DNAH5: variants seen among roughly 807,000 people sequenced by gnomAD.
DNAH5 encodes axonemal beta dynein heavy chain 5.
In DNAH5, 372 loss-of-function variants were observed where a neutral mutation model predicts 518.2. The observed-to-expected ratio is 0.72, with a 90% CI of 0.66 to 0.78. The LOEUF (loss-of-function observed/expected upper bound fraction) is 0.78, where lower values mean the gene tolerates loss of function less well. Among genes scored for constraint, DNAH5 ranks in the 30% least tolerant of loss-of-function variants. DNAH5 has a pLI of 0.00. For missense variants in DNAH5, 5,523 were observed against 5,687.0 expected (o/e 0.97, Z 0.93); for synonymous variants, 2,039 against 2,025.9 (o/e 1.01, Z -0.17).
chr5:13,848,324 T>G (rs1766334091), intron 31 of DNAH5, among the ~76,000 whole-genome samples: 1 of 152,204 alleles, frequency 6.6e-6, no homozygotes, highest in Non-Finnish European at 1.5e-5. Context: ...CCATGGTGTT[T>G]AAAAAGCCTC....
intron 35 of DNAH5, among the ~76,000 whole-genome samples, chr5:13,833,225 G>A (rs1323696676): frequency 6.6e-6 from 1 of 151,928 alleles, no homozygotes; most frequent in African/African-American, 2.4e-5. Context: ...TGGATCACGA[G>A]GTCAGGAGTT....
intron 53 of DNAH5, 86 bp from the exon 54 acceptor site, chr5:13,777,441 C>T (rs912547745): frequency 5.6e-6 from 7 of 1,251,854 alleles, no homozygotes; most frequent in Admixed American, 3.8e-5. Context: ...TGCCATTTAG[C>T]TAACAAAAAA....
At chr5:13,898,926 GT>G in intron 15 of DNAH5, 1 of 261,536 alleles carries the variant, frequency 3.8e-6, no homozygotes. Context: ...TCCTTTTTTT[GT>G]TGTTTTTTGT....
chr5:13,966,079 C>T lies in DNAH5; in HGVS notation c.13-34835G>A, dbSNP rs538779335. On this transcript the variant is annotated intron_variant, in intron 1 of 78. Coordinates refer to the DNAH5 transcript ENST00000681290. ...GTTCCCGTTTATAAGTGAGAACATA[C>T]GATGTTTGGTTTTCCATTCCTGAGT... Among the ~76,000 whole-genome samples, 14 of 151,724 alleles carry T rather than the reference C, an allele frequency of 9.2e-5. No homozygotes were observed. The East Asian group carries it at 9.7e-4, about 11-fold the overall frequency.
chr5:13,920,757 AC>A lies in DNAH5; in HGVS notation c.661-141del, dbSNP rs1030287217. ...TAGCACATACCTCCTCTCCACTCCC[AC>A]GTGCCTTTGTCCACGCTGCCCCCAG... On this transcript the variant is annotated intron_variant, in intron 5 of 78. Transcript: ENST00000265104. The A allele has an allele frequency of 7.2e-6, 6 of 832,898 alleles. No individual in the cohort carries two copies. The African/African-American group carries it at 1.0e-4, about 14-fold the overall frequency. The allele number at this position is 832,898 out of a possible 1,614,324, so 51.6% of individuals were successfully genotyped here.
rs762827509 is a variant in DNAH5 at position 13,885,213 on chromosome 5, CCTT to C, written c.2756_2758del (p.Glu919del). On this transcript the variant is annotated inframe_deletion, in exon 19 of 79. Coordinates refer to ENST00000265104, the MANE Select transcript of DNAH5 (RefSeq NM_001369.3). ...AGATGATGTCAAGGTGTCAAAATTT[CCTT>C]CTTCTCTTTTTGCTGTTACAAGATG... is the stretch of plus-strand genomic sequence containing the variant. 1.1e-5 allele frequency: 17 copies of C among 1,613,958 alleles called. No individual in the cohort carries two copies. The highest frequency in any genetic ancestry group is 1.4e-5 in the Non-Finnish European group (16 of 1,179,998).
chr5:13,814,867 GA>G lies in DNAH5; in HGVS notation c.6989-22del, dbSNP rs753827452. 1.3e-3 allele frequency: 1,951 copies of G among 1,482,946 alleles called. No homozygotes were observed. The highest frequency in any genetic ancestry group is 3.3e-3 in the African/African-American group (233 of 69,912). 91.9% of individuals were successfully genotyped at this position (1,482,946 alleles called of 1,614,324 possible). On this transcript the variant is annotated intron_variant, in intron 42 of 78. Transcript: ENST00000265104. Reference sequence around the variant, plus strand: ...TTCCCCTAGAATACCCCACCAAAGGGAAAAAAAAAATACATACACTCATGCA... The same window carrying G: ...TTCCCCTAGAATACCCCACCAAAGGGAAAAAAAAATACATACACTCATGCA...
At chr5:13,994,523 A>T (rs1273807290) in intron 1 of DNAH5, among the ~76,000 whole-genome samples, 1 of 152,222 alleles carries the variant, frequency 6.6e-6, no homozygotes, top group Non-Finnish European at 1.5e-5. Flanking sequence ...CTTATTACGC[A>T]TTTCTGATAT....
At chr5:13,845,143 C>A in intron 31 of DNAH5, 150 bp from the exon 32 acceptor site, 1 of 750,718 alleles carries the variant, frequency 1.3e-6, no homozygotes, top group South Asian at 1.8e-5. Context: ...TTTAATTTTT[C>A]AATTTTTTAA....
chr5:13,942,005 G>A (rs1391414070), intron 1 of DNAH5, among the ~76,000 whole-genome samples: 1 of 152,112 alleles, frequency 6.6e-6, no homozygotes, highest in East Asian at 1.9e-4. Flanking sequence ...ATTCAAGTCT[G>A]GAATTCATGT....
chr5:13,769,119 T>G lies in DNAH5; in HGVS notation c.9738A>C (p.Thr3246=), dbSNP rs1461977995. ...DKADMVLKEV[T]MKAQAAEKVK... ...CCTTTTCAGCAGCCTGTGCTTTCATTGTCACTTCTTTTAAGACCTAATTCA... is the reference window on the plus strand; with the variant it reads ...CCTTTTCAGCAGCCTGTGCTTTCATGGTCACTTCTTTTAAGACCTAATTCA... The change falls in exon 58 of 79, where the codon ACA becomes ACC. Residue 3246 remains threonine, a synonymous_variant. Transcript: ENST00000265104. 1 of 1,614,182 alleles carries G rather than the reference T, an allele frequency of 6.2e-7. No individual in the cohort carries two copies. The highest frequency in any genetic ancestry group is 2.2e-5 in the East Asian group (1 of 44,884).
Position 13,839,409 on chromosome 5 carries a change from C to A in DNAH5, c.5829G>T (p.Gln1943His). The change falls in exon 35 of 79, where the codon CAG becomes CAT. Residue 1943 changes from glutamine to histidine, a missense_variant. Transcript: ENST00000265104. ...IHITDVAFIY[Q>H]NEFLGCTDRL... ...TGTCAGTGCAGCCTAAAAATTCATTCTGGTATATGAACGCCACATCTGTGA... is the reference window on the plus strand; with the variant it reads ...TGTCAGTGCAGCCTAAAAATTCATTATGGTATATGAACGCCACATCTGTGA... 6.2e-7 allele frequency: 1 copy of A among 1,614,052 alleles called. No homozygotes were observed. Among genetic ancestry groups the A allele is most frequent in the African/African-American group, 1.3e-5 (1 of 75,040 alleles).
At chr5:13,825,049 T>C (rs983497250) in intron 38 of DNAH5, among the ~76,000 whole-genome samples, 1 of 152,082 alleles carries the variant, frequency 6.6e-6, no homozygotes, top group African/African-American at 2.4e-5. Context: ...GCCAAAAGAA[T>C]TGAAAGAATG....
intron 1 of DNAH5, among the ~76,000 whole-genome samples, chr5:13,961,647 AAAAG>A (rs1781191820): frequency 1.3e-5 from 2 of 152,104 alleles, no homozygotes; most frequent in African/African-American, 4.8e-5. Context: ...CCTTCTGAAA[AAAAG>A]AAAAAGAAAA....
chr5:13,806,957 A>G (rs1759705574), intron 47 of DNAH5, among the ~76,000 whole-genome samples: 1 of 152,182 alleles, frequency 6.6e-6, no homozygotes, highest in Non-Finnish European at 1.5e-5. Flanking sequence ...GGGGAACAAG[A>G]TTAAAGTGGC....
chr5:13,835,092 C>G (rs752485693), intron 35 of DNAH5, among the ~76,000 whole-genome samples: 26 of 152,052 alleles, frequency 1.7e-4, no homozygotes, highest in Non-Finnish European at 3.2e-4. Flanking sequence ...CAAGAACACC[C>G]TGGCCAACAC....
rs945000593 is a variant in DNAH5 at position 13,783,272 on chromosome 5, G to A, written c.8821-2313C>T. ...TCAGTATGAGGTATGGAAATATCAG[G>A]ATATAAGGCAGCAAAGGATTGTTTA... On this transcript the variant is annotated intron_variant, in intron 52 of 78. Transcript: ENST00000265104. Among the ~76,000 whole-genome samples the A allele has an allele frequency of 2.6e-5, 4 of 152,188 alleles. No homozygotes were observed. In the East Asian group the frequency reaches 7.7e-4, roughly 29 times the overall value.
rs1236713917 is a variant in DNAH5 at position 13,780,267 on chromosome 5, TCTGCATGTATTTC to T, written c.8951+549_8951+561del. Among the ~76,000 whole-genome samples the T allele has an allele frequency of 3.9e-5, 6 of 152,346 alleles. No individual in the cohort carries two copies. In the East Asian group the frequency reaches 1.2e-3, roughly 29 times the overall value. ...TCCCTCAAGCTTCAATAGGATTTGG[TCTGCATGTATTTC>T]CTTATCATAGGTGGTGCCTATGAAT... On this transcript the variant is annotated intron_variant, in intron 53 of 78. Coordinates refer to ENST00000265104, the MANE Select transcript of DNAH5 (RefSeq NM_001369.3).
intron 65 of DNAH5, among the ~76,000 whole-genome samples, chr5:13,748,568 G>A (rs1749751714): frequency 6.6e-6 from 1 of 152,124 alleles, no homozygotes; most frequent in African/African-American, 2.4e-5. Flanking sequence ...GCAGTGGTTT[G>A]TAGTTCTCCT....
Sources: gnomAD v4.1 joint callset for allele counts (sites outside exome capture counted in the v4.1 genomes callset) on GRCh38, gnomAD v4.1.1 for gene constraint, MANE v1.5 for transcripts, NCBI Gene and HGNC (gene_info 2026-07-23, HGNC 2026-07-21) for gene names.